Variants in XRN2 observed in about 807,000 individuals in gnomAD.
XRN2 encodes 5'-3' exoribonuclease 2.
Under a neutral mutation model 138.5 loss-of-function variants are expected in XRN2, and 44 were observed. The observed-to-expected ratio is 0.32, with a 90% CI of 0.25 to 0.41. XRN2 has a LOEUF of 0.41. XRN2 is among the 10% of genes least tolerant of loss of function. The pLI is 1.00. For synonymous variants in XRN2, 354 were observed against 369.4 expected (o/e 0.96, Z 0.48); for missense variants, 937 against 1,169.3 (o/e 0.80, Z 2.90).
chr20:21,375,146 T>C (rs563103362), intron 27 of XRN2, among the ~76,000 whole-genome samples: 1 of 151,178 alleles, frequency 6.6e-6, no homozygotes, highest in Non-Finnish European at 1.5e-5. Context: ...TAATATATAG[T>C]CACTCTTCTT....
Position 21,387,524 on chromosome 20 carries a change from G to T in XRN2, c.2787+518G>T, listed in dbSNP as rs575809560. ...CATATTTTTCTTCTCAATGTAAGCA[G>T]CTGTATCACTGAATGACTATCATAA... On this transcript the variant is annotated intron_variant, in intron 29 of 29. Transcript: ENST00000377191. 1.1e-4 allele frequency among the ~76,000 whole-genome samples: 16 copies of T among 152,268 alleles called. No homozygotes were observed. The South Asian group carries it at 2.7e-3, about 26-fold the overall frequency.
At chr20:21,361,053 T>C (rs938526817) in intron 24 of XRN2, among the ~76,000 whole-genome samples, 1 of 152,232 alleles carries the variant, frequency 6.6e-6, no homozygotes, top group African/African-American at 2.4e-5. Context: ...TTCTGAATTA[T>C]GTTAACACTC....
At chr20:21,325,224 T>C (rs572568456) in intron 1 of XRN2, among the ~76,000 whole-genome samples, 1 of 152,342 alleles carries the variant, frequency 6.6e-6, no homozygotes, top group South Asian at 2.1e-4. Context: ...GGAACTGTTA[T>C]TTTTTTAAGT....
chr20:21,320,516 G>T (rs2038024531), intron 1 of XRN2, among the ~76,000 whole-genome samples: 1 of 151,612 alleles, frequency 6.6e-6, no homozygotes, highest in Non-Finnish European at 1.5e-5. Flanking sequence ...AGCCAGGATG[G>T]TCTCGATCTC....
intron 28 of XRN2, among the ~76,000 whole-genome samples, chr20:21,385,657 G>T (rs1277428305): frequency 6.6e-6 from 1 of 152,098 alleles, no homozygotes; most frequent in African/African-American, 2.4e-5. Context: ...ATTATCTCTG[G>T]TGTTGTTTTA....
At chr20:21,353,223 GATAT>G (rs869071652) in intron 20 of XRN2, among the ~76,000 whole-genome samples, 2,745 of 112,890 alleles carry the variant, frequency 0.024, 33 homozygotes, top group Non-Finnish European at 0.029. Flanking sequence ...TAGTGGGTAG[GATAT>G]ATATATATAT....
intron 1 of XRN2, among the ~76,000 whole-genome samples, chr20:21,323,096 A>G (rs2122192724): frequency 6.6e-6 from 1 of 152,238 alleles, no homozygotes; most frequent in East Asian, 1.9e-4. Context: ...TGAATCATCC[A>G]GAAGCTGTCC....
At chr20:21,314,442 G>A (rs2037929519) in intron 1 of XRN2, among the ~76,000 whole-genome samples, 2 of 152,184 alleles carry the variant, frequency 1.3e-5, no homozygotes, top group African/African-American at 4.8e-5. Flanking sequence ...TTTCTTGGGT[G>A]TATACCTAGG....
intron 27 of XRN2, among the ~76,000 whole-genome samples, chr20:21,378,526 A>G (rs1391310492): frequency 6.6e-6 from 1 of 152,238 alleles, no homozygotes; most frequent in Non-Finnish European, 1.5e-5. Flanking sequence ...CGAAAATAGT[A>G]CAGAGGATAA....
intron 27 of XRN2, among the ~76,000 whole-genome samples, chr20:21,379,985 C>A (rs987670632): frequency 6.6e-6 from 1 of 152,112 alleles, no homozygotes; most frequent in South Asian, 2.1e-4. Context: ...TGTCTTCATT[C>A]GATTTTAAAT....
chr20:21,336,640 AC>A (rs2038298619), intron 13 of XRN2, among the ~76,000 whole-genome samples: 1 of 152,224 alleles, frequency 6.6e-6, no homozygotes, highest in South Asian at 2.1e-4. Context: ...ACAGCAAAAA[AC>A]AAAAAAGGAG....
At chr20:21,349,692 A>G (rs1205012704) in intron 20 of XRN2, among the ~76,000 whole-genome samples, 3 of 152,126 alleles carry the variant, frequency 2.0e-5, no homozygotes, top group Non-Finnish European at 4.4e-5. Context: ...ACAGGGAGCC[A>G]CGATTGCACC....
chr20:21,326,211 T>C (rs922660689), intron 1 of XRN2, 68 bp from the exon 2 acceptor site: 2 of 1,484,284 alleles, frequency 1.3e-6, no homozygotes, highest in East Asian at 2.3e-5. Context: ...CAAGTTCATA[T>C]TGAGCCTAGG....
chr20:21,348,485 C>G, intron 19 of XRN2, 55 bp downstream of exon 19: 1 of 1,504,420 alleles, frequency 6.6e-7, no homozygotes, highest in Non-Finnish European at 9.2e-7. Flanking sequence ...ACATTTTATT[C>G]ATATCAGTTA....
intron 4 of XRN2, 28 bp from the exon 5 acceptor site, chr20:21,330,453 A>G: frequency 6.2e-7 from 1 of 1,608,584 alleles, no homozygotes; most frequent in Non-Finnish European, 8.5e-7. Context: ...TTTTATGGGG[A>G]GAACAAAACG....
Position 21,354,809 on chromosome 20 carries a change from G to A in XRN2, c.1957G>A (p.Val653Met), listed in dbSNP as rs201699062. Residue 653 changes from valine (V) to methionine (M), a missense_variant, in exon 21 of 30, where the codon GTG (valine) becomes ATG (methionine). This residue lies in a region of XRN2 where 372 missense variants were observed against 414.4 expected (regional missense o/e 0.90). Transcript: ENST00000377191. ...TTCAGGTGTTGCTCTCTTGCCATTC[G>A]TGGATGAGCGAAGGCTACGAGCTGC... ...AWQGVALLPF[V>M]DERRLRAALE... 5.0e-6 allele frequency: 8 copies of A among 1,613,970 alleles called. No individual in the cohort carries two copies. Among genetic ancestry groups the A allele is most frequent in the South Asian group, 1.1e-5 (1 of 91,032 alleles).
intron 1 of XRN2, among the ~76,000 whole-genome samples, chr20:21,316,286 TTGA>T (rs2037957893): frequency 6.6e-6 from 1 of 152,212 alleles, no homozygotes; most frequent in Non-Finnish European, 1.5e-5. Context: ...GTTTAAAATT[TTGA>T]TGATGAAGTG....
intron 4 of XRN2, among the ~76,000 whole-genome samples, chr20:21,329,602 C>T (rs1441290264): frequency 6.6e-6 from 1 of 152,116 alleles, no homozygotes; most frequent in Non-Finnish European, 1.5e-5. Context: ...AATTAAGACT[C>T]TAAAACCTGT....
At chr20:21,334,050 C>A (rs1183220787) in intron 12 of XRN2, 28 bp from the exon 13 acceptor site, 7 of 1,613,606 alleles carry the variant, frequency 4.3e-6, no homozygotes, top group Admixed American at 1.7e-5. Context: ...ATAAGAAGAT[C>A]ATTTTACATA....
Sources: gnomAD v4.1 joint callset for allele counts (sites outside exome capture counted in the v4.1 genomes callset) on GRCh38, gnomAD v4.1.1 for gene constraint, gnomAD v4.1.1 regional missense constraint, MANE v1.5 for transcripts, NCBI Gene and HGNC (gene_info 2026-07-23, HGNC 2026-07-21) for gene names.